CRIPT: variants seen among roughly 807,000 people sequenced by gnomAD.
CRIPT encodes the protein cysteine-rich PDZ-binding protein.
A neutral mutation model predicts 16.6 loss-of-function variants in CRIPT; 20 were observed. The ratio of observed to expected loss-of-function variants is 1.20; its 90% CI spans 0.85 to 1.75. The LOEUF is 1.75. Among genes scored for constraint, CRIPT ranks in the 40% most tolerant of loss-of-function variants. The pLI, the probability that CRIPT is intolerant of heterozygous loss-of-function variation, is 0.00. For missense variants in CRIPT, 133 were observed against 115.3 expected, an observed-to-expected ratio of 1.15 and a Z score of -0.70; for synonymous variants, 42 against 37.0, an observed-to-expected ratio of 1.14 and a Z score of -0.49.
rs948661897 is a variant in CRIPT, at chr2:46,626,450, C to A, written c.*2223C>A. On this transcript the variant is annotated 3_prime_UTR_variant, in exon 5 of 5. Coordinates refer to ENST00000238892, the MANE Select transcript of CRIPT (RefSeq NM_014171.6). ...AATTTATTTTCATTTGGATTTATAT[C>A]CAGTCATGGGATTGCTGGTTCAAAT... is the stretch of plus-strand genomic sequence containing the variant. Among the ~76,000 whole-genome samples, 9 of 152,110 alleles carry A rather than the reference C, an allele frequency of 5.9e-5. No individual in the cohort carries two copies. Among genetic ancestry groups the A allele is most frequent in the African/African-American group, 2.2e-4 (9 of 41,412 alleles).
In CRIPT at chr2:46,627,600, AC is replaced by A. The variant is rs1228315604; in HGVS notation, c.*3374del. On this transcript the variant is annotated 3_prime_UTR_variant, in exon 5 of 5. Coordinates refer to ENST00000238892, the MANE Select transcript of CRIPT (RefSeq NM_014171.6). ...ACTGGGATTACAGGCACATGCCACC[AC>A]GCCTGGCTAATTTTTCTATTTTTAG... 6.6e-6 allele frequency among the ~76,000 whole-genome samples: 1 copy of A among 151,880 alleles called. No individual in the cohort carries two copies. Among genetic ancestry groups the A allele is most frequent in the African/African-American group, 2.4e-5 (1 of 41,322 alleles).
In CRIPT at chr2:46,627,750, T is replaced by C. The variant is rs139001245; in HGVS notation, c.*3523T>C. ...ATGAGCCACTGCACCCGGCCCCTTA[T>C]ATTTAAATCTTTAATCTATCTTGAG... On this transcript the variant is annotated 3_prime_UTR_variant, in exon 5 of 5. Transcript: ENST00000238892. 1.3e-3 allele frequency among the ~76,000 whole-genome samples: 191 copies of C among 152,268 alleles called. 5 individuals carry two copies. The East Asian group carries it at 0.017, about 14-fold the overall frequency.
chr2:46,627,025 G>C lies in CRIPT; in HGVS notation c.*2798G>C, dbSNP rs1670954319. ...TTTTGGTACTTTTAGTAGAGACAGGGTTTCACCATGTTGGCCAGCCTGGTC... is the reference window on the plus strand; with the variant it reads ...TTTTGGTACTTTTAGTAGAGACAGGCTTTCACCATGTTGGCCAGCCTGGTC... On this transcript the variant is annotated 3_prime_UTR_variant, in exon 5 of 5. Transcript: ENST00000238892. Among the ~76,000 whole-genome samples, 1 of 152,082 alleles carries C rather than the reference G, an allele frequency of 6.6e-6. No individual in the cohort carries two copies. Among genetic ancestry groups the C allele is most frequent in the African/African-American group, 2.4e-5 (1 of 41,406 alleles).
At position 46,630,064 on chromosome 2, in the gene CRIPT, G is replaced by A. The variant is rs530445581; in HGVS notation, c.*5837G>A. On this transcript the variant is annotated 3_prime_UTR_variant, in exon 5 of 5. Coordinates refer to ENST00000238892, the MANE Select transcript of CRIPT (RefSeq NM_014171.6). ...ATTTGAATATTCCTTACTAGATGTGGTGCCTCTTTACCCCAATTACTTAAG... is the reference window on the plus strand; with the variant it reads ...ATTTGAATATTCCTTACTAGATGTGATGCCTCTTTACCCCAATTACTTAAG... 5.3e-5 allele frequency among the ~76,000 whole-genome samples: 8 copies of A among 151,960 alleles called. No individual in the cohort carries two copies. The highest frequency in any genetic ancestry group is 2.6e-4 in the Admixed American group (4 of 15,242).
intron 3 of CRIPT, 91 bp from the exon 4 acceptor site, chr2:46,623,673 A>T: frequency 1.5e-6 from 1 of 665,234 alleles, no homozygotes; most frequent in Non-Finnish European, 2.6e-6. Context: ...GATGGAGAGC[A>T]TGGATTAATC....
At chr2:46,617,334 C>G in intron 1 of CRIPT, 36 bp downstream of exon 1, 1 of 1,550,642 alleles carries the variant, frequency 6.4e-7, no homozygotes, top group Non-Finnish European at 8.7e-7. Flanking sequence ...GAGGAGGAGG[C>G]TGGGAGAACC....
chr2:46,622,018 G>T (rs1670815935), intron 3 of CRIPT, among the ~76,000 whole-genome samples: 1 of 152,082 alleles, frequency 6.6e-6, no homozygotes, highest in Non-Finnish European at 1.5e-5. Context: ...GGAATCTATG[G>T]TACTGTTATT....
rs1670975859 is a variant in CRIPT, at chr2:46,627,818, C to T, written c.*3591C>T. Among the ~76,000 whole-genome samples the T allele has an allele frequency of 6.6e-6, 1 of 152,166 alleles. No homozygotes were observed. On this transcript the variant is annotated 3_prime_UTR_variant, in exon 5 of 5. Coordinates refer to ENST00000238892, the MANE Select transcript of CRIPT (RefSeq NM_014171.6). ...GTGAAAGGGGTCCAGTTTGAGTCTTCTGCATATGGCTAGACAGCTGTTCCA... is the reference window on the plus strand; with the variant it reads ...GTGAAAGGGGTCCAGTTTGAGTCTTTTGCATATGGCTAGACAGCTGTTCCA...
intron 3 of CRIPT, among the ~76,000 whole-genome samples, chr2:46,623,016 T>G (rs907618404): frequency 5.9e-5 from 9 of 152,070 alleles, no homozygotes; most frequent in Non-Finnish European, 1.2e-4. Flanking sequence ...GGAAAGTATT[T>G]CTTTTTTTCA....
At position 46,618,766 on chromosome 2, in the gene CRIPT, C is replaced by A; in HGVS notation, c.17-7C>A. 6.3e-7 allele frequency: 1 copy of A among 1,586,840 alleles called. No individual in the cohort carries two copies. Among genetic ancestry groups the A allele is most frequent in the South Asian group, 1.1e-5 (1 of 89,074 alleles). On this transcript the variant is annotated splice_polypyrimidine_tract_variant and splice_region_variant and intron_variant, in intron 1 of 4. Transcript: ENST00000238892. ...TTAATTTTCCTTTTACTATCTTGTT[C>A]TAACAGGTGAAAAGAAACTTGGTAC... is the stretch of plus-strand genomic sequence containing the variant.
intron 3 of CRIPT, among the ~76,000 whole-genome samples, chr2:46,620,289 A>G (rs1267639919): frequency 6.6e-6 from 1 of 152,134 alleles, no homozygotes; most frequent in Non-Finnish European, 1.5e-5. Context: ...CCTACAAAGG[A>G]CAGAAAAATT....
At chr2:46,617,345 T>C (rs1253109957) in intron 1 of CRIPT, 47 bp downstream of exon 1, 6 of 1,545,034 alleles carry the variant, frequency 3.9e-6, no homozygotes, top group Non-Finnish European at 5.3e-6. Flanking sequence ...TGGGAGAACC[T>C]AACTGAGCTC....
rs192143682 is a variant in CRIPT, at chr2:46,626,720, T to A, written c.*2493T>A. 6.6e-6 allele frequency among the ~76,000 whole-genome samples: 1 copy of A among 152,326 alleles called. No homozygotes were observed. The highest frequency in any genetic ancestry group is 1.5e-5 in the Non-Finnish European group (1 of 68,004). On this transcript the variant is annotated 3_prime_UTR_variant, in exon 5 of 5. Transcript: ENST00000238892. ...TGATTTGCATTTATCTGATTAGTAA[T>A]GTTGAGCATTTTTTCATGTTTGTTA... is the stretch of plus-strand genomic sequence containing the variant.
chr2:46,618,600 C>A (rs1322616622), intron 1 of CRIPT, among the ~76,000 whole-genome samples, 173 bp from the exon 2 acceptor site: 2 of 152,186 alleles, frequency 1.3e-5, no homozygotes, highest in Non-Finnish European at 2.9e-5. Flanking sequence ...GAGGGTCAGT[C>A]ATTCATTGGC....
intron 3 of CRIPT, among the ~76,000 whole-genome samples, chr2:46,622,818 A>G (rs1670844833): frequency 6.6e-6 from 1 of 152,060 alleles, no homozygotes; most frequent in Non-Finnish European, 1.5e-5. Flanking sequence ...GTCTCAAAAA[A>G]AAAAAAGTGA....
At chr2:46,619,307 AT>A (rs1296343736) in intron 2 of CRIPT, among the ~76,000 whole-genome samples, 1 of 152,120 alleles carries the variant, frequency 6.6e-6, no homozygotes. Context: ...GGGTAGAAAA[AT>A]AAACATTTTC....
chr2:46,617,250 C>G lies in CRIPT; in HGVS notation c.-33C>G. The G allele has an allele frequency of 6.4e-7, 1 of 1,552,776 alleles. No homozygotes were observed. ...TGTTTTCAGCCTGCTGCTGCTGCTG[C>G]TGTTGCGGCTAGGGGAACCGTCGTG... On this transcript the variant is annotated 5_prime_UTR_variant, in exon 1 of 5. Transcript: ENST00000238892.
In CRIPT at chr2:46,625,881, G is replaced by A. The variant is rs1469561438; in HGVS notation, c.*1654G>A. 1.3e-5 allele frequency: 2 copies of A among 152,110 alleles called. No individual in the cohort carries two copies. The highest frequency in any genetic ancestry group is 2.9e-5 in the Non-Finnish European group (2 of 68,024). 9.4% of individuals were successfully genotyped at this position (152,110 alleles called of 1,614,324 possible). ...CTTGGAGAAAAGTACATTTCTCAGG[G>A]ATCAGCTAGAATCTGGACTTGCCTA... On this transcript the variant is annotated 3_prime_UTR_variant, in exon 5 of 5. Coordinates refer to ENST00000238892, the MANE Select transcript of CRIPT (RefSeq NM_014171.6).
rs1670906673 is a variant in CRIPT, at chr2:46,625,197, A to G, written c.*970A>G. On this transcript the variant is annotated 3_prime_UTR_variant, in exon 5 of 5. Coordinates refer to ENST00000238892, the MANE Select transcript of CRIPT (RefSeq NM_014171.6). ...AGCAATTCTTCCCCCTCAGCCTCCT[A>G]AGTAGCTGGGGACTACAGGCGTGTG... The G allele has an allele frequency of 6.7e-6, 1 of 149,746 alleles. No homozygotes were observed. The highest frequency in any genetic ancestry group is 2.0e-4 in the East Asian group (1 of 5,098). 9.3% of individuals were successfully genotyped at this position (149,746 alleles called of 1,614,324 possible).
Sources: allele counts gnomAD v4.1 joint callset (sites outside exome capture counted in the v4.1 genomes callset), GRCh38; gene constraint gnomAD v4.1.1; transcripts MANE v1.5; gene names NCBI Gene and HGNC (gene_info 2026-07-23, HGNC 2026-07-21).